The following ADAMTS3 variants were observed in gnomAD, a reference collection of about 807,000 sequenced individuals.
ADAMTS3 encodes the protein A disintegrin and metalloproteinase with thrombospondin motifs 3.
ADAMTS3 carries 73 observed loss-of-function variants against 129.0 expected under a neutral mutation model. The observed-to-expected ratio is 0.57, with a 90% CI of 0.47 to 0.69. ADAMTS3 has a LOEUF of 0.69. ADAMTS3 is among the 30% of genes least tolerant of loss of function. The pLI is 0.00. For missense variants in ADAMTS3, 1,457 were observed against 1,514.5 expected (o/e 0.96, Z 0.63); for synonymous variants, 477 against 510.8 (o/e 0.93, Z 0.89).
At chr4:72,519,108 G>T (rs1188947999) in intron 3 of ADAMTS3, among the ~76,000 whole-genome samples, 1 of 151,498 alleles carries the variant, frequency 6.6e-6, no homozygotes, top group Non-Finnish European at 1.5e-5. Flanking sequence ...GCTTAGTTTG[G>T]CTGGATATGA....
At chr4:72,445,672 C>T (rs573401708) in intron 3 of ADAMTS3, among the ~76,000 whole-genome samples, 1 of 151,686 alleles carries the variant, frequency 6.6e-6, no homozygotes, top group Non-Finnish European at 1.5e-5. Flanking sequence ...AGGAGCTTCA[C>T]TTAAAGAATC....
intron 3 of ADAMTS3, among the ~76,000 whole-genome samples, chr4:72,543,926 A>T (rs1471693598): frequency 4.6e-5 from 7 of 152,134 alleles, no homozygotes; most frequent in Non-Finnish European, 1.0e-4. Flanking sequence ...AGGCTATTAC[A>T]ATCTAGATAG....
chr4:72,563,308 T>C (rs527262242), intron 2 of ADAMTS3, among the ~76,000 whole-genome samples: 2 of 152,126 alleles, frequency 1.3e-5, no homozygotes, highest in African/African-American at 2.4e-5. Context: ...GCCAACTCCA[T>C]TACCTTTAGT....
intron 6 of ADAMTS3, among the ~76,000 whole-genome samples, chr4:72,322,680 C>T (rs1475888425): frequency 6.6e-6 from 1 of 152,146 alleles, no homozygotes; most frequent in Non-Finnish European, 1.5e-5. Flanking sequence ...AAATGAAACA[C>T]ACACTCGATG....
intron 17 of ADAMTS3, among the ~76,000 whole-genome samples, chr4:72,299,334 A>G (rs1718895036): frequency 6.6e-6 from 1 of 151,368 alleles, no homozygotes; most frequent in South Asian, 2.1e-4. Flanking sequence ...CAAGATATCA[A>G]TGTAGCTAAA....
intron 3 of ADAMTS3, among the ~76,000 whole-genome samples, chr4:72,481,195 C>T (rs1719426816): frequency 6.6e-6 from 1 of 151,922 alleles, no homozygotes. Context: ...TAGATATAGA[C>T]AAGATTATTT....
chr4:72,535,063 T>C (rs1267649988), intron 3 of ADAMTS3, among the ~76,000 whole-genome samples: 1 of 152,176 alleles, frequency 6.6e-6, no homozygotes, highest in Non-Finnish European at 1.5e-5. Context: ...GGTGACTTAT[T>C]TTATCTGGAC....
chr4:72,529,799 AAT>A (rs1283508357), intron 3 of ADAMTS3, among the ~76,000 whole-genome samples: 7 of 96,796 alleles, frequency 7.2e-5, no homozygotes, highest in Non-Finnish European at 1.3e-4. Flanking sequence ...AATTTAATAT[AAT>A]ATATATTATA....
chr4:72,303,204 C>CT (rs1431241093), intron 17 of ADAMTS3, among the ~76,000 whole-genome samples: 1 of 152,152 alleles, frequency 6.6e-6, no homozygotes, highest in African/African-American at 2.4e-5. Flanking sequence ...AGATTCCCCT[C>CT]TTTCTCAGAA....
chr4:72,359,000 A>G (rs2109852751), intron 4 of ADAMTS3, among the ~76,000 whole-genome samples: 1 of 152,134 alleles, frequency 6.6e-6, no homozygotes, highest in East Asian at 1.9e-4. Flanking sequence ...CAGAAAAAAG[A>G]AAACATAAAC....
At chr4:72,308,210 C>T (rs1468232268) in intron 15 of ADAMTS3, among the ~76,000 whole-genome samples, 1 of 151,844 alleles carries the variant, frequency 6.6e-6, no homozygotes, top group Non-Finnish European at 1.5e-5. Flanking sequence ...TTTAATAATG[C>T]AATCAGTCAG....
intron 3 of ADAMTS3, among the ~76,000 whole-genome samples, chr4:72,497,935 A>G (rs1411756184): frequency 2.6e-5 from 4 of 152,004 alleles, no homozygotes; most frequent in Admixed American, 2.0e-4. Context: ...AGATAAAAAG[A>G]TTTGTTTTTC....
intron 4 of ADAMTS3, among the ~76,000 whole-genome samples, chr4:72,369,147 A>G (rs59424210): frequency 0.035 from 5,264 of 152,334 alleles, 286 homozygotes; most frequent in African/African-American, 0.12. Context: ...AACACTACGC[A>G]TGGTGTCTTT....
intron 3 of ADAMTS3, among the ~76,000 whole-genome samples, chr4:72,489,909 AGT>A (rs1411234751): frequency 1.3e-5 from 2 of 151,826 alleles, no homozygotes; most frequent in Non-Finnish European, 2.9e-5. Context: ...GAATATATGT[AGT>A]TTTATTTTTA....
chr4:72,394,634 G>A lies in ADAMTS3; in HGVS notation c.661+20181C>T, dbSNP rs140483046. On this transcript the variant is annotated intron_variant, in intron 4 of 21. Transcript: ENST00000286657. ...CTTTCAAATACAAAAGTATTCTACC[G>A]ATTGAGGGGGGTGATGTATGTTTAT... is the stretch of plus-strand genomic sequence containing the variant. 5.9e-5 allele frequency among the ~76,000 whole-genome samples: 9 copies of A among 152,220 alleles called. No individual in the cohort carries two copies. The East Asian group carries it at 1.2e-3, about 20-fold the overall frequency.
intron 3 of ADAMTS3, among the ~76,000 whole-genome samples, chr4:72,526,658 T>C (rs1720816039): frequency 7.1e-6 from 1 of 141,142 alleles, no homozygotes; most frequent in African/African-American, 2.6e-5. Context: ...AGAAGGACTT[T>C]TATATAACCA....
rs185345889 is a variant in ADAMTS3 at position 72,293,161 on chromosome 4, G to A, written c.2724-2099C>T. On this transcript the variant is annotated intron_variant, in intron 19 of 21. Transcript: ENST00000286657. Reference sequence around the variant, plus strand: ...GTCCAACTCAGCAGTACAAGGTGATGAGCAAACTGACTTGCACTGTAGAAC... The same window carrying A: ...GTCCAACTCAGCAGTACAAGGTGATAAGCAAACTGACTTGCACTGTAGAAC... Among the ~76,000 whole-genome samples, 436 of 152,270 alleles carry A rather than the reference G, an allele frequency of 2.9e-3. 1 individual carries two copies. Among genetic ancestry groups the A allele is most frequent in the African/African-American group, 7.7e-3 (318 of 41,564 alleles).
chr4:72,296,878 A>G (rs1718822886), intron 18 of ADAMTS3, among the ~76,000 whole-genome samples: 1 of 152,090 alleles, frequency 6.6e-6, no homozygotes, highest in South Asian at 2.1e-4. Flanking sequence ...CATCAATCAG[A>G]AATAATTACT....
intron 11 of ADAMTS3, among the ~76,000 whole-genome samples, chr4:72,314,643 T>C (rs1156389853): frequency 6.6e-6 from 1 of 152,218 alleles, no homozygotes; most frequent in African/African-American, 2.4e-5. Context: ...AAGTTAATTA[T>C]ATAATTTTTT....
Sources: gnomAD v4.1 joint callset for allele counts (sites outside exome capture counted in the v4.1 genomes callset) on GRCh38, gnomAD v4.1.1 for gene constraint, MANE v1.5 for transcripts, NCBI Gene and HGNC (gene_info 2026-07-23, HGNC 2026-07-21) for gene names.